The following MROH2B variants were observed in gnomAD, a reference collection of about 807,000 sequenced individuals.
MROH2B encodes maestro heat like repeat family member 2B, also known as maestro heat-like repeat-containing protein family member 2B.
Under a neutral mutation model 208.6 loss-of-function variants are expected in MROH2B, and 177 were observed. The ratio of observed to expected loss-of-function variants is 0.85; its 90% confidence interval spans 0.75 to 0.96. The LOEUF is 0.96. Ranked by LOEUF, MROH2B falls within the 40% of genes least tolerant of loss-of-function variation. The pLI, the probability that MROH2B is intolerant of heterozygous loss-of-function variation, is 0.00. For synonymous variants in MROH2B, 728 were observed against 659.0 expected (o/e 1.10, Z -1.60); for missense variants, 2,002 against 1,878.7 (o/e 1.07, Z -1.21).
intron 37 of MROH2B, 50 bp from the exon 38 acceptor site, chr5:41,000,883 C>T: frequency 1.3e-6 from 2 of 1,551,292 alleles, no homozygotes; most frequent in South Asian, 1.2e-5. Context: ...GAGGCCATTC[C>T]CTGCTAGCAC....
intron 6 of MROH2B, among the ~76,000 whole-genome samples, chr5:41,060,081 C>T (rs1743588427): frequency 6.6e-6 from 1 of 152,176 alleles, no homozygotes; most frequent in Non-Finnish European, 1.5e-5. Flanking sequence ...CCCAAGATCA[C>T]CTGAGTCAGA....
At chr5:41,015,084 T>G (rs1040743461) in intron 29 of MROH2B, among the ~76,000 whole-genome samples, 1 of 152,210 alleles carries the variant, frequency 6.6e-6, no homozygotes, top group African/African-American at 2.4e-5. Context: ...AGACTGAACT[T>G]CAATCAGTGC....
intron 34 of MROH2B, 68 bp downstream of exon 34, chr5:41,007,246 G>T (rs1741624296): frequency 7.4e-7 from 1 of 1,347,164 alleles, no homozygotes. Context: ...TGCCTGTATT[G>T]CACTTTTGTT....
At chr5:41,038,608 T>A in intron 21 of MROH2B, 128 bp downstream of exon 21, 1 of 862,204 alleles carries the variant, frequency 1.2e-6, no homozygotes, top group South Asian at 2.3e-5. Flanking sequence ...ACTGTATTAG[T>A]CTGTTTTCAC....
At chr5:41,008,503 A>G in intron 33 of MROH2B, 103 bp downstream of exon 33, 1 of 1,324,220 alleles carries the variant, frequency 7.6e-7, no homozygotes, top group South Asian at 1.4e-5. Flanking sequence ...TTCATGGACA[A>G]TGGATGCTAT....
chr5:41,004,460 T>A lies in MROH2B; in HGVS notation c.4080A>T (p.Glu1360Asp), dbSNP rs199637688. The A allele has an allele frequency of 6.2e-7, 1 of 1,614,012 alleles. No individual in the cohort carries two copies. The highest frequency in any genetic ancestry group is 1.3e-5 in the African/African-American group (1 of 75,048). Residue 1360 changes from glutamate (E) to aspartate (D), a missense_variant, in exon 37 of 42, where the codon GAA becomes GAT. Physicochemically the swap from Glu to Asp is conservative, Grantham distance 45. Coordinates refer to ENST00000399564, the MANE Select transcript of MROH2B (RefSeq NM_173489.5). ...IRGLYHLARTEVVCESLKALK... is the reference protein window; with the variant it reads ...IRGLYHLARTDVVCESLKALK... ...GAGCCTTCAAGCTTTCACAGACGAC[T>A]TCAGTGCGAGCTAGGTGATACAGGC...
At chr5:41,007,276 T>G in intron 34 of MROH2B, 38 bp downstream of exon 34, 1 of 1,368,570 alleles carries the variant, frequency 7.3e-7, no homozygotes, top group Non-Finnish European at 9.5e-7. Flanking sequence ...GTTTTTGTTT[T>G]CTTCTTTGTA....
chr5:41,034,628 G>A (rs1049063373), intron 21 of MROH2B, among the ~76,000 whole-genome samples: 11 of 150,722 alleles, frequency 7.3e-5, no homozygotes, highest in African/African-American at 2.7e-4. Flanking sequence ...TTTTTGGGTA[G>A]CATTTGTGTA....
intron 28 of MROH2B, among the ~76,000 whole-genome samples, chr5:41,016,111 T>C (rs1297234542): frequency 6.6e-6 from 1 of 152,214 alleles, no homozygotes; most frequent in African/African-American, 2.4e-5. Flanking sequence ...CAGATGCCCC[T>C]GAGCTCAAAG....
At position 41,071,166 on chromosome 5, in the gene MROH2B, G is replaced by A. The variant is rs1579968046; in HGVS notation, c.-314C>T. On this transcript the variant is annotated 5_prime_UTR_variant, in exon 1 of 42. Transcript: ENST00000399564. ...AGAGTATTTGGGAAAGAAGTAATTA[G>A]AGACTGGGATTCAAACCATTGTTGC... The A allele has an allele frequency of 3.3e-6, 1 of 306,196 alleles. No homozygotes were observed. Among genetic ancestry groups the A allele is most frequent in the Admixed American group, 4.5e-5 (1 of 22,436 alleles). 19.0% of individuals were successfully genotyped at this position (306,196 alleles called of 1,614,324 possible).
chr5:41,038,675 G>GC (rs1479174487), intron 21 of MROH2B, 61 bp downstream of exon 21: 22 of 1,515,178 alleles, frequency 1.5e-5, no homozygotes, highest in South Asian at 1.3e-4. Flanking sequence ...CAGGGACTGA[G>GC]CCCCTGCAAG....
intron 9 of MROH2B, among the ~76,000 whole-genome samples, chr5:41,056,173 C>T (rs1743443161): frequency 6.6e-6 from 1 of 152,002 alleles, no homozygotes; most frequent in African/African-American, 2.4e-5. Context: ...GGTGTCCTTA[C>T]AGGAAAAGGA....
chr5:41,027,692 A>G (rs866752637), intron 24 of MROH2B, among the ~76,000 whole-genome samples: 36 of 152,228 alleles, frequency 2.4e-4, no homozygotes, highest in African/African-American at 8.7e-4. Context: ...TACTGGGTAT[A>G]TACCCAAAGA....
At chr5:41,025,457 C>G (rs916221012) in intron 24 of MROH2B, among the ~76,000 whole-genome samples, 1 of 152,132 alleles carries the variant, frequency 6.6e-6, no homozygotes, top group Non-Finnish European at 1.5e-5. Flanking sequence ...AATTCCTGAA[C>G]ACACACAACC....
chr5:41,008,611 G>T lies in MROH2B; in HGVS notation c.3603C>A (p.Pro1201=). Residue 1201 remains proline, a synonymous_variant, in exon 33 of 42, where the codon CCC becomes CCA. Coordinates refer to ENST00000399564, the MANE Select transcript of MROH2B (RefSeq NM_173489.5). ...CTTCCTGATTGGCCGTTTACCTGCA[G>T]GGGTCTGGGATCTGCTGCTGTTCTC... ...QQGEQQQIPD[P]CRLSTATLKC... is the part of the protein sequence containing the mutation. The T allele has an allele frequency of 6.2e-7, 1 of 1,613,506 alleles. No homozygotes were observed.
chr5:41,051,876 G>A (rs1044725738), intron 12 of MROH2B, among the ~76,000 whole-genome samples: 2 of 152,148 alleles, frequency 1.3e-5, no homozygotes, highest in African/African-American at 4.8e-5. Context: ...TCAGCATACA[G>A]CTTTTTCTCA....
Position 41,009,953 on chromosome 5 carries a change from T to A in MROH2B, c.3262A>T (p.Asn1088Tyr), listed in dbSNP as rs760861511. 7 of 1,613,780 alleles carry A rather than the reference T, an allele frequency of 4.3e-6. No homozygotes were observed. In the Admixed American group the frequency reaches 1.0e-4, roughly 23 times the overall value. ...ASFHMDTVVV[N>Y]LLQKPLPFDR... ...AAAGGCAGAGGCTTCTGTAAAAGGT[T>A]GACAACAACTGTATCCATGTGAAAG... is the stretch of plus-strand genomic sequence containing the variant. The change falls in exon 31 of 42, where the codon AAC becomes TAC. Residue 1088 changes from asparagine (N) to tyrosine (Y), a missense_variant. Coordinates refer to ENST00000399564, the MANE Select transcript of MROH2B (RefSeq NM_173489.5).
chr5:41,027,862 C>A (rs367743949), intron 24 of MROH2B, among the ~76,000 whole-genome samples: 2 of 152,144 alleles, frequency 1.3e-5, no homozygotes, highest in East Asian at 1.9e-4. Flanking sequence ...GCAGCCATAA[C>A]AAATGATGAG....
chr5:41,049,666 A>G (rs1035963574), intron 13 of MROH2B, among the ~76,000 whole-genome samples: 1 of 152,146 alleles, frequency 6.6e-6, no homozygotes, highest in African/African-American at 2.4e-5. Context: ...ACGTTGCTGG[A>G]ATGTGGGGCA....
Sources: allele counts gnomAD v4.1 joint callset (sites outside exome capture counted in the v4.1 genomes callset), GRCh38; gene constraint gnomAD v4.1.1; transcripts MANE v1.5; gene names NCBI Gene and HGNC (gene_info 2026-07-23, HGNC 2026-07-21).